B4GALT5: variants seen among roughly 807,000 people sequenced by gnomAD.
B4GALT5 encodes the protein beta-1,4-galactosyltransferase 5, also known as UDP-Gal:beta-GlcNAc beta-1,4-galactosyltransferase 5.
In B4GALT5, 11 loss-of-function variants were observed where a neutral mutation model predicts 45.0. The observed-to-expected ratio is 0.24, with a 90% CI of 0.15 to 0.40. The LOEUF (loss-of-function observed/expected upper bound fraction) is 0.40, where lower values mean the gene tolerates loss of function less well. Among genes scored for constraint, B4GALT5 ranks in the 10% least tolerant of loss-of-function variants. B4GALT5 has a pLI of 1.00. For missense variants in B4GALT5, 337 were observed against 500.2 expected, an observed-to-expected ratio of 0.67 and a Z score of 3.11; for synonymous variants, 185 against 182.9, an observed-to-expected ratio of 1.01 and a Z score of -0.09.
intron 2 of B4GALT5, among the ~76,000 whole-genome samples, chr20:49,651,916 T>C (rs2085624393): frequency 6.6e-6 from 1 of 151,634 alleles, no homozygotes; most frequent in Admixed American, 6.6e-5. Flanking sequence ...TCATCTCTAC[T>C]AAAAATACAA....
chr20:49,706,971 A>G (rs1158206744), intron 1 of B4GALT5, among the ~76,000 whole-genome samples: 1 of 152,184 alleles, frequency 6.6e-6, no homozygotes, highest in East Asian at 1.9e-4. Context: ...AGAGAGCTCT[A>G]AAGAGGCATG....
At chr20:49,652,812 T>C (rs559807843) in intron 2 of B4GALT5, among the ~76,000 whole-genome samples, 98 of 152,360 alleles carry the variant, frequency 6.4e-4, no homozygotes, top group African/African-American at 2.3e-3. Flanking sequence ...CTTGGCCTAA[T>C]GCAGATGCCT....
chr20:49,665,396 C>G (rs893286562), intron 1 of B4GALT5, among the ~76,000 whole-genome samples: 3 of 108,574 alleles, frequency 2.8e-5, no homozygotes, highest in African/African-American at 1.1e-4. Flanking sequence ...CTGGGTAACA[C>G]AGCAAGACCC....
In B4GALT5 at chr20:49,636,380, A is replaced by G. The variant is rs1250451535; in HGVS notation, c.1099T>C (p.Tyr367His). Residue 367 changes from tyrosine to histidine, a missense_variant, in exon 9 of 9, where the codon TAC becomes CAC. Physicochemically the swap from Tyr to His is moderately conservative, Grantham distance 83 (BLOSUM62 2). This residue lies in a region of B4GALT5 where 163 missense variants were observed against 292.8 expected (regional missense o/e 0.56). Coordinates refer to ENST00000371711, the MANE Select transcript of B4GALT5 (RefSeq NM_004776.4). ...GTTATGTTTTTATACAAGGCGTCGT[A>G]TGTGATGTTTGCAAAGTAGTTCAGG... ...NNLNYFANIT[Y>H]DALYKNITVN... 1 of 1,613,994 alleles carries G rather than the reference A, an allele frequency of 6.2e-7. No individual in the cohort carries two copies. Among genetic ancestry groups the G allele is most frequent in the Non-Finnish European group, 8.5e-7 (1 of 1,180,000 alleles).
chr20:49,698,212 A>C (rs1258471632), intron 1 of B4GALT5, among the ~76,000 whole-genome samples: 1 of 152,016 alleles, frequency 6.6e-6, no homozygotes, highest in Non-Finnish European at 1.5e-5. Flanking sequence ...AATCCCAGAT[A>C]CTCGGGAGGC....
intron 1 of B4GALT5, among the ~76,000 whole-genome samples, chr20:49,669,495 G>C (rs904466478): frequency 6.6e-6 from 1 of 152,012 alleles, no homozygotes. Flanking sequence ...TCAGGAGTTC[G>C]CAACCAACCT....
intron 1 of B4GALT5, among the ~76,000 whole-genome samples, chr20:49,700,422 A>T (rs1374790182): frequency 6.6e-6 from 1 of 152,166 alleles, no homozygotes; most frequent in East Asian, 1.9e-4. Flanking sequence ...TGCGATCCCA[A>T]GTAGCTGGGG....
At chr20:49,702,619 C>A (rs1430380523) in intron 1 of B4GALT5, among the ~76,000 whole-genome samples, 2 of 151,776 alleles carry the variant, frequency 1.3e-5, no homozygotes, top group Non-Finnish European at 2.9e-5. Flanking sequence ...CTCTGGGAGG[C>A]GGGGGTGGGA....
chr20:49,659,452 G>A (rs928667266), intron 1 of B4GALT5, among the ~76,000 whole-genome samples: 2 of 152,124 alleles, frequency 1.3e-5, no homozygotes, highest in Admixed American at 1.3e-4. Flanking sequence ...ACTTGGATTT[G>A]TTTCCATGTT....
At chr20:49,663,687 AAAAATATATAC>A (rs2085675275) in intron 1 of B4GALT5, among the ~76,000 whole-genome samples, 1 of 104,580 alleles carries the variant, frequency 9.6e-6, no homozygotes, top group African/African-American at 3.9e-5. Context: ...AAAAAAAAAA[AAAAATATATAC>A]ATATATATAT....
intron 1 of B4GALT5, among the ~76,000 whole-genome samples, chr20:49,662,213 T>C (rs544200879): frequency 6.6e-6 from 1 of 152,252 alleles, no homozygotes; most frequent in African/African-American, 2.4e-5. Flanking sequence ...AAAGAAACCA[T>C]TCCCTTCCTG....
At chr20:49,706,110 A>G (rs138753059) in intron 1 of B4GALT5, among the ~76,000 whole-genome samples, 2,407 of 151,222 alleles carry the variant, frequency 0.016, 38 homozygotes, top group East Asian at 0.082. Context: ...ATTGAGAATC[A>G]CTTGAACCCA....
At chr20:49,640,254 C>T (rs1488885951) in intron 6 of B4GALT5, among the ~76,000 whole-genome samples, 1 of 152,206 alleles carries the variant, frequency 6.6e-6, no homozygotes, top group Non-Finnish European at 1.5e-5. Context: ...TTGTGTCTGG[C>T]TTCTTTAACG....
At position 49,635,681 on chromosome 20, in the gene B4GALT5, T is replaced by C. The variant is rs1265825888; in HGVS notation, c.*631A>G. ...AAAATTAAATTTTAAAAAGGCATTT[T>C]ACATGGCTTATTTACAATTATACTT... On this transcript the variant is annotated 3_prime_UTR_variant, in exon 9 of 9. Coordinates refer to ENST00000371711, the MANE Select transcript of B4GALT5 (RefSeq NM_004776.4). The C allele has an allele frequency of 1.3e-5, 2 of 152,620 alleles. No homozygotes were observed. The highest frequency in any genetic ancestry group is 1.3e-4 in the Admixed American group (2 of 15,264). 9.5% of individuals were successfully genotyped at this position (152,620 alleles called of 1,614,324 possible). A position where few individuals can be genotyped will look rare whatever the true frequency, so the allele number is the denominator to read the frequency against.
intron 1 of B4GALT5, among the ~76,000 whole-genome samples, chr20:49,693,105 G>A (rs2085823381): frequency 6.6e-6 from 1 of 152,162 alleles, no homozygotes; most frequent in South Asian, 2.1e-4. Flanking sequence ...ATACCATCTA[G>A]GTTGGTGTAA....
chr20:49,636,060 C>T lies in B4GALT5; in HGVS notation c.*252G>A, dbSNP rs534259164. On this transcript the variant is annotated 3_prime_UTR_variant, in exon 9 of 9. Transcript: ENST00000371711. ...GATGGGGAGAGAGCAGCGGGACAGA[C>T]GTCTGTCTTGTGAAAACAGAAAGCC... 8.1e-6 allele frequency: 4 copies of T among 492,558 alleles called. No individual in the cohort carries two copies. The highest frequency in any genetic ancestry group is 3.4e-5 in the Admixed American group (1 of 29,674). 30.5% of individuals were successfully genotyped at this position (492,558 alleles called of 1,614,324 possible).
At chr20:49,660,259 C>T (rs546856716) in intron 1 of B4GALT5, among the ~76,000 whole-genome samples, 2 of 152,316 alleles carry the variant, frequency 1.3e-5, no homozygotes, top group South Asian at 4.1e-4. Flanking sequence ...AACACACAAA[C>T]CACCAGCAGC....
intron 1 of B4GALT5, among the ~76,000 whole-genome samples, chr20:49,695,289 C>A (rs1331985136): frequency 6.6e-6 from 1 of 152,034 alleles, no homozygotes; most frequent in Non-Finnish European, 1.5e-5. Context: ...AATCCCCAGC[C>A]CCTTTCAGAA....
chr20:49,667,549 G>A (rs1038717118), intron 1 of B4GALT5, among the ~76,000 whole-genome samples: 2 of 151,032 alleles, frequency 1.3e-5, no homozygotes, highest in African/African-American at 2.4e-5. Flanking sequence ...CACCGCGCCC[G>A]GCCTGTTGTT....
Sources: allele counts gnomAD v4.1 joint callset (sites outside exome capture counted in the v4.1 genomes callset), GRCh38; gene constraint gnomAD v4.1.1; regional missense constraint gnomAD v4.1.1; transcripts MANE v1.5; gene names NCBI Gene and HGNC (gene_info 2026-07-23, HGNC 2026-07-21).